CFAP43: variants seen among roughly 807,000 people sequenced by gnomAD.
CFAP43 encodes the protein cilia and flagella associated protein 43.
Under a neutral mutation model 218.9 loss-of-function variants are expected in CFAP43, and 155 were observed. The observed-to-expected ratio is 0.71, with a 90% confidence interval of 0.62 to 0.81. The LOEUF is 0.81. Ranked by LOEUF, CFAP43 falls within the 30% of genes least tolerant of loss-of-function variation. The pLI is 0.00. For missense variants in CFAP43, 1,778 were observed against 1,954.3 expected, an observed-to-expected ratio of 0.91 and a Z score of 1.70; for synonymous variants, 645 against 681.3, an observed-to-expected ratio of 0.95 and a Z score of 0.83.
intron 28 of CFAP43, among the ~76,000 whole-genome samples, chr10:104,150,585 C>T (rs1405902680): frequency 2.6e-5 from 4 of 152,142 alleles, no homozygotes; most frequent in African/African-American, 7.2e-5. Flanking sequence ...TATAGTCATC[C>T]TCCTGAAGAT....
intron 13 of CFAP43, 52 bp downstream of exon 13, chr10:104,188,218 C>G: frequency 1.9e-6 from 3 of 1,583,450 alleles, no homozygotes; most frequent in Non-Finnish European, 2.6e-6. Flanking sequence ...AAAACAATAA[C>G]AACAATGTAT....
chr10:104,187,190 A>G (rs546518196), intron 14 of CFAP43, 130 bp downstream of exon 14: 90 of 644,174 alleles, frequency 1.4e-4, no homozygotes, highest in Non-Finnish European at 1.9e-4. Flanking sequence ...AGGGAATTAT[A>G]TTAATAAAAT....
intron 11 of CFAP43, 43 bp from the exon 12 acceptor site, chr10:104,192,345 C>A (rs1436870642): frequency 6.9e-7 from 1 of 1,448,810 alleles, no homozygotes; most frequent in African/African-American, 1.4e-5. Flanking sequence ...AATTGTTTCA[C>A]CAGCTAGATG....
chr10:104,200,631 AC>A lies in CFAP43; in HGVS notation c.1096-2594del, dbSNP rs555796901. 2.1e-5 allele frequency among the ~76,000 whole-genome samples: 3 copies of A among 141,532 alleles called. No individual in the cohort carries two copies. The South Asian group carries it at 7.0e-4, about 33-fold the overall frequency. The allele number at this position is 141,532 out of a possible 152,430, so 92.9% of individuals were successfully genotyped here. A position where few individuals can be genotyped will look rare whatever the true frequency, so the allele number is the denominator to read the frequency against. On this transcript the variant is annotated intron_variant, in intron 8 of 37. Transcript: ENST00000357060. ...GGTTGCAGTGAGCCCAGATCGCACC[AC>A]TGTACTCCAGCCTGGGTGACAGAGC...
intron 5 of CFAP43, among the ~76,000 whole-genome samples, chr10:104,209,868 TCCAGGACCCC>T (rs1248322599): frequency 2.0e-5 from 3 of 152,194 alleles, no homozygotes; most frequent in Non-Finnish European, 4.4e-5. Context: ...GGGGATGGGT[TCCAGGACCCC>T]CCACTGATAC....
chr10:104,231,585 G>T (rs2091448730), intron 1 of CFAP43, among the ~76,000 whole-genome samples: 1 of 152,226 alleles, frequency 6.6e-6, no homozygotes, highest in Admixed American at 6.5e-5. Context: ...CGAGACATTA[G>T]AGTGTCCAGG....
intron 37 of CFAP43, among the ~76,000 whole-genome samples, chr10:104,130,988 C>T (rs2087155427): frequency 8.0e-6 from 1 of 125,776 alleles, no homozygotes; most frequent in Non-Finnish European, 1.6e-5. Context: ...AACAGAGGGA[C>T]ACCCTGTCTC....
In CFAP43 at chr10:104,179,867, A is replaced by C; in HGVS notation, c.2355T>G (p.Ile785Met). Residue 785 changes from isoleucine to methionine, a missense_variant, in exon 18 of 38, where the codon ATT becomes ATG. Ile to Met is a conservative substitution (Grantham distance 10, BLOSUM62 1). Coordinates refer to ENST00000357060, the MANE Select transcript of CFAP43 (RefSeq NM_025145.7). ...CTTGGCTTTTTTGTTGTATCCAAGGAATTTCCTTCTTAACATCGGTTAGAA... is the reference window on the plus strand; with the variant it reads ...CTTGGCTTTTTTGTTGTATCCAAGGCATTTCCTTCTTAACATCGGTTAGAA... ...ELVLTDVKKE[I>M]PWIQQKSQEA... 2 of 1,613,732 alleles carry C rather than the reference A, an allele frequency of 1.2e-6. No individual in the cohort carries two copies. The highest frequency in any genetic ancestry group is 1.7e-6 in the Non-Finnish European group (2 of 1,179,842).
In CFAP43 at chr10:104,140,843, C is replaced by T. The variant is rs146971757; in HGVS notation, c.4430G>A (p.Arg1477Gln). Reference sequence around the variant, plus strand: ...AATAAAAATAAAAAGTATAATTACCCGAATCACAGAATTCAAGTCTTCAAT... The same window carrying T: ...AATAAAAATAAAAAGTATAATTACCTGAATCACAGAATTCAAGTCTTCAAT... ...NIIEDLNSVIRTQGQKKVASM... is the reference protein window; with the variant it reads ...NIIEDLNSVIQTQGQKKVASM... Residue 1477 changes from arginine (R) to glutamine (Q), a missense_variant and splice_region_variant, in exon 34 of 38, where the codon CGG becomes CAG. Physicochemically the swap from Arg to Gln is conservative, Grantham distance 43 (BLOSUM62 1). Transcript: ENST00000357060. 609 of 1,590,196 alleles carry T rather than the reference C, an allele frequency of 3.8e-4. No homozygotes were observed. In the African/African-American group the frequency reaches 6.7e-3, roughly 17 times the overall value.
At chr10:104,214,127 A>G in intron 4 of CFAP43, 132 bp downstream of exon 4, 3 of 695,786 alleles carry the variant, frequency 4.3e-6, no homozygotes, top group Non-Finnish European at 6.4e-6. Context: ...AGCTGAACGT[A>G]TGTGTGTGTA....
rs761614413 is a variant in CFAP43, at chr10:104,198,001, G to C, written c.1133C>G (p.Thr378Ser). The C allele has an allele frequency of 6.2e-7, 1 of 1,613,492 alleles. No homozygotes were observed. The highest frequency in any genetic ancestry group is 1.1e-5 in the South Asian group (1 of 90,992). The change falls in exon 9 of 38, where the codon ACC (threonine) becomes AGC (serine). Residue 378 changes from threonine (T) to serine (S), a missense_variant. Transcript: ENST00000357060. ...ACAAGCATCTAGGACTTTATTTAAG[G>C]TTGGCTCCTTACCAAAAGTGTAGAT... Reference protein sequence around the residue: ...VYIYTFGKEPTLNKVLDACDG... With the variant: ...VYIYTFGKEPSLNKVLDACDG...
At chr10:104,227,262 A>T in intron 2 of CFAP43, among the ~76,000 whole-genome samples, 1 of 152,196 alleles carries the variant, frequency 6.6e-6, no homozygotes, top group Non-Finnish European at 1.5e-5. Flanking sequence ...TTTTAAGCTC[A>T]TTTGCATGTA....
intron 7 of CFAP43, among the ~76,000 whole-genome samples, chr10:104,204,851 T>C (rs1373821052): frequency 6.6e-6 from 1 of 152,228 alleles, no homozygotes; most frequent in African/African-American, 2.4e-5. Flanking sequence ...TAGTTACAAC[T>C]AGACCTATGT....
At chr10:104,186,681 A>C (rs948224135) in intron 14 of CFAP43, among the ~76,000 whole-genome samples, 4 of 152,114 alleles carry the variant, frequency 2.6e-5, no homozygotes, top group African/African-American at 9.7e-5. Context: ...CTTTTCTTGA[A>C]TCTCTCTTGC....
At chr10:104,140,497 T>A (rs1306497062) in intron 34 of CFAP43, among the ~76,000 whole-genome samples, 2 of 152,256 alleles carry the variant, frequency 1.3e-5, no homozygotes, top group Non-Finnish European at 2.9e-5. Flanking sequence ...GCAGGCAATA[T>A]GTTTTGTCTT....
chr10:104,145,623 G>A (rs200541757), intron 30 of CFAP43, 59 bp from the exon 31 acceptor site: 1 of 768,020 alleles, frequency 1.3e-6, no homozygotes. Flanking sequence ...TTTATTTGTT[G>A]ACAATACTCT....
chr10:104,131,355 T>C lies in CFAP43; in HGVS notation c.4807A>G (p.Arg1603Gly). Reference protein sequence around the residue: ...LREELVAVSERKDICNAMGSK... With the variant: ...LREELVAVSEGKDICNAMGSK... ...CCCATTGCATTACAGATGTCTTTTC[T>C]CTCTGAGACAGCTACCAACTCTTCT... Residue 1603 changes from arginine to glycine, a missense_variant, in exon 37 of 38, where the codon AGA becomes GGA. Arg to Gly is a moderately radical substitution (Grantham distance 125). Coordinates refer to ENST00000357060, the MANE Select transcript of CFAP43 (RefSeq NM_025145.7). 6.2e-7 allele frequency: 1 copy of C among 1,611,508 alleles called. No individual in the cohort carries two copies.
intron 2 of CFAP43, among the ~76,000 whole-genome samples, chr10:104,230,214 C>T (rs1247232110): frequency 1.3e-5 from 2 of 151,938 alleles, no homozygotes; most frequent in African/African-American, 4.8e-5. Context: ...TGCCTGTAAT[C>T]TCAGCACTTT....
chr10:104,151,257 C>T (rs2088242195), intron 28 of CFAP43, among the ~76,000 whole-genome samples: 1 of 152,130 alleles, frequency 6.6e-6, no homozygotes, highest in Non-Finnish European at 1.5e-5. Context: ...TGGGTATATA[C>T]CCAGTAATGG....
Sources: gnomAD v4.1 joint callset for allele counts (sites outside exome capture counted in the v4.1 genomes callset) on GRCh38, gnomAD v4.1.1 for gene constraint, MANE v1.5 for transcripts, NCBI Gene and HGNC (gene_info 2026-07-23, HGNC 2026-07-21) for gene names.